The following DNAH9 variants were observed in gnomAD, a reference collection of about 807,000 sequenced individuals.
DNAH9 encodes the protein DNAH9 variant protein.
A neutral mutation model predicts 471.6 loss-of-function variants in DNAH9; 345 were observed. The ratio of observed to expected loss-of-function variants is 0.73; its 90% CI spans 0.67 to 0.80. The LOEUF (loss-of-function observed/expected upper bound fraction) is 0.80. DNAH9 is among the 30% of genes least tolerant of loss of function. The pLI, the probability that DNAH9 is intolerant of heterozygous loss-of-function variation, is 0.00. For missense variants in DNAH9, 5,407 were observed against 5,609.2 expected (o/e 0.96, Z 1.15); for synonymous variants, 2,093 against 2,123.6 (o/e 0.99, Z 0.40).
intron 27 of DNAH9, among the ~76,000 whole-genome samples, chr17:11,725,445 A>G (rs1024068834): frequency 6.6e-6 from 1 of 152,244 alleles, no homozygotes; most frequent in Non-Finnish European, 1.5e-5. Context: ...CTGATTCTTC[A>G]TGACCTAGAA....
intron 45 of DNAH9, among the ~76,000 whole-genome samples, chr17:11,815,425 A>C (rs995378960): frequency 5.3e-5 from 8 of 151,956 alleles, no homozygotes; most frequent in African/African-American, 1.9e-4. Context: ...TCCTTAACTT[A>C]TCTCTCTACT....
chr17:11,623,996 G>C lies in DNAH9; in HGVS notation c.1350+4215G>C, dbSNP rs2072923698. On this transcript the variant is annotated intron_variant, in intron 6 of 68. Coordinates refer to ENST00000262442, the MANE Select transcript of DNAH9 (RefSeq NM_001372.4). The surrounding 1 kb of genome is among the most constrained non-coding windows in gnomAD (Gnocchi z 4.1). Reference sequence around the variant, plus strand: ...CAGAGGTGGGGCTGGCTTGGAAGAAGGGGTATACATTGCCCAGTATTTTTC... The same window carrying C: ...CAGAGGTGGGGCTGGCTTGGAAGAACGGGTATACATTGCCCAGTATTTTTC... Among the ~76,000 whole-genome samples, 1 of 152,134 alleles carries C rather than the reference G, an allele frequency of 6.6e-6. No homozygotes were observed.
chr17:11,945,806 C>T (rs1306647877), intron 67 of DNAH9, among the ~76,000 whole-genome samples: 1 of 152,052 alleles, frequency 6.6e-6, no homozygotes, highest in Non-Finnish European at 1.5e-5. Flanking sequence ...CGCCTGTAAT[C>T]CCAGCACTTT....
At chr17:11,781,435 C>T (rs976898171) in intron 39 of DNAH9, among the ~76,000 whole-genome samples, 1 of 152,194 alleles carries the variant, frequency 6.6e-6, no homozygotes, top group East Asian at 1.9e-4. Flanking sequence ...CTACTTTTTG[C>T]TTCAAGACTC....
At chr17:11,775,887 G>A (rs111904924) in intron 38 of DNAH9, among the ~76,000 whole-genome samples, 10 of 152,082 alleles carry the variant, frequency 6.6e-5, no homozygotes, top group African/African-American at 1.7e-4. Flanking sequence ...CCACCGCGCC[G>A]GGCCAATCAG....
intron 22 of DNAH9, among the ~76,000 whole-genome samples, chr17:11,696,426 A>G (rs2074477791): frequency 6.6e-6 from 1 of 152,116 alleles, no homozygotes; most frequent in Non-Finnish European, 1.5e-5. Context: ...ATAACCTTGG[A>G]CTTTGTATTG....
Position 11,598,493 on chromosome 17 carries a change from C to T in DNAH9, c.-6C>T. 1 of 1,365,458 alleles carries T rather than the reference C, an allele frequency of 7.3e-7. No individual in the cohort carries two copies. The highest frequency in any genetic ancestry group is 9.4e-7 in the Non-Finnish European group (1 of 1,068,124). 84.6% of individuals were successfully genotyped at this position (1,365,458 alleles called of 1,614,324 possible). A position where few individuals can be genotyped will look rare whatever the true frequency, so the allele number is the denominator to read the frequency against. ...GGGAAACCGATGCAGCTGGAGGCCG[C>T]GCGCGATGCGGCTCGCGGAGGAGCG... On this transcript the variant is annotated 5_prime_UTR_variant, in exon 1 of 69. Coordinates refer to ENST00000262442, the MANE Select transcript of DNAH9 (RefSeq NM_001372.4).
intron 40 of DNAH9, among the ~76,000 whole-genome samples, chr17:11,783,968 T>C (rs1411401936): frequency 6.6e-6 from 1 of 152,142 alleles, no homozygotes; most frequent in Non-Finnish European, 1.5e-5. Flanking sequence ...TGATCCCTCT[T>C]TCTTCAGATG....
chr17:11,731,213 T>G (rs2075263253), intron 28 of DNAH9, among the ~76,000 whole-genome samples: 1 of 151,938 alleles, frequency 6.6e-6, no homozygotes, highest in South Asian at 2.1e-4. Flanking sequence ...GTGAGAATGA[T>G]GGGGATGGTG....
intron 22 of DNAH9, among the ~76,000 whole-genome samples, 172 bp from the exon 23 acceptor site, chr17:11,699,559 C>T (rs529863284): frequency 6.6e-6 from 1 of 152,334 alleles, no homozygotes; most frequent in East Asian, 1.9e-4. Flanking sequence ...TCTACGGATT[C>T]ATTTTATTCC....
chr17:11,639,300 G>A (rs371232810), intron 9 of DNAH9, among the ~76,000 whole-genome samples: 3 of 152,170 alleles, frequency 2.0e-5, no homozygotes, highest in African/African-American at 7.2e-5. Context: ...TGGTACCCGC[G>A]GTGAAATAAA....
In DNAH9 at chr17:11,907,840, C is replaced by T. The variant is rs186331718; in HGVS notation, c.11749+2031C>T. Among the ~76,000 whole-genome samples the T allele has an allele frequency of 4.6e-5, 7 of 152,290 alleles. No individual in the cohort carries two copies. In the East Asian group the frequency reaches 1.4e-3, roughly 29 times the overall value. ...AGATACGCAGTCCCCCTTCCCAGGCCCTATGCTTTTGTCCATTTCTGAATT... is the reference window on the plus strand; with the variant it reads ...AGATACGCAGTCCCCCTTCCCAGGCTCTATGCTTTTGTCCATTTCTGAATT... On this transcript the variant is annotated intron_variant, in intron 61 of 68. Coordinates refer to ENST00000262442, the MANE Select transcript of DNAH9 (RefSeq NM_001372.4).
rs1433382770 is a variant in DNAH9 at position 11,923,924 on chromosome 17, C to T, written c.11860C>T (p.His3954Tyr). Residue 3954 changes from histidine (H) to tyrosine (Y), a missense_variant, in exon 62 of 69, where the codon CAC becomes TAC. This residue lies in a region of DNAH9 where 4,636 missense variants were observed against 4,900.3 expected (regional missense o/e 0.95). Transcript: ENST00000262442. Reference protein sequence around the residue: ...AALDLAAKKGHWVILQNIHLV... With the variant: ...AALDLAAKKGYWVILQNIHLV... The stretch of plus-strand genomic sequence containing the variant: ...GCTGGACCTCGCTGCCAAGAAAGGT[C>T]ACTGGGTTATTTTGCAGGTATGTTC... The T allele has an allele frequency of 6.8e-6, 11 of 1,613,812 alleles. No homozygotes were observed. Among genetic ancestry groups the T allele is most frequent in the Non-Finnish European group, 9.3e-6 (11 of 1,179,918 alleles).
At chr17:11,848,206 A>G (rs537920572) in intron 49 of DNAH9, among the ~76,000 whole-genome samples, 2 of 152,316 alleles carry the variant, frequency 1.3e-5, no homozygotes, top group South Asian at 4.1e-4. Flanking sequence ...TAACAATTAC[A>G]GTAATCAAAA....
At chr17:11,827,112 A>T (rs1970525966) in intron 48 of DNAH9, among the ~76,000 whole-genome samples, 1 of 152,072 alleles carries the variant, frequency 6.6e-6, no homozygotes, top group Non-Finnish European at 1.5e-5. Context: ...GGCGTGAGCC[A>T]CCATGCCTGG....
chr17:11,791,602 T>C (rs192774772), intron 41 of DNAH9, among the ~76,000 whole-genome samples: 2 of 152,062 alleles, frequency 1.3e-5, no homozygotes, highest in African/African-American at 2.4e-5. Context: ...TTCCAACTGT[T>C]CAGGAGGCTG....
rs1696268285 is a variant in DNAH9, at chr17:11,797,700, T to G, written c.8327T>G (p.Leu2776Arg). 6.2e-7 allele frequency: 1 copy of G among 1,614,182 alleles called. No homozygotes were observed. The highest frequency in any genetic ancestry group is 1.7e-5 in the Admixed American group (1 of 60,026). ...PKYMPVQSWE[L>R]LTQTLVEALE... The stretch of plus-strand genomic sequence containing the variant: ...TACATGCCTGTACAGTCTTGGGAAC[T>G]TTTGACCCAGACTCTGGTGGAGGCC... Residue 2776 changes from leucine (L) to arginine (R), a missense_variant, in exon 43 of 69, where the codon CTT (leucine) becomes CGT (arginine). Physicochemically the swap from Leu to Arg is moderately radical, Grantham distance 102. This residue lies in a region of DNAH9 where 4,636 missense variants were observed against 4,900.3 expected (regional missense o/e 0.95). Transcript: ENST00000262442.
At chr17:11,874,924 T>G in intron 52 of DNAH9, 25 bp from the exon 53 acceptor site, 1 of 1,538,504 alleles carries the variant, frequency 6.5e-7, no homozygotes, top group Non-Finnish European at 9.0e-7. Context: ...GTTCTGAGCG[T>G]GGGGTGGTGT....
intron 28 of DNAH9, among the ~76,000 whole-genome samples, chr17:11,735,491 A>G (rs1485871933): frequency 6.6e-6 from 1 of 151,892 alleles, no homozygotes; most frequent in Non-Finnish European, 1.5e-5. Context: ...GCTGGAGTGC[A>G]GTGGCGCGAT....
Sources: allele counts gnomAD v4.1 joint callset (sites outside exome capture counted in the v4.1 genomes callset), GRCh38; gene constraint gnomAD v4.1.1; regional missense constraint gnomAD v4.1.1; non-coding constraint Gnocchi (gnomAD v3.1); transcripts MANE v1.5; gene names NCBI Gene and HGNC (gene_info 2026-07-23, HGNC 2026-07-21).